Variants in ROBO2 observed in about 807,000 individuals in gnomAD.
The protein encoded by ROBO2 is roundabout homolog 2.
A neutral mutation model predicts 160.8 loss-of-function variants in ROBO2; 53 were observed. That is an observed-to-expected ratio of 0.33 (90% CI 0.26 to 0.41). The LOEUF is 0.41. Among genes scored for constraint, ROBO2 ranks in the 10% least tolerant of loss-of-function variants. ROBO2 has a pLI of 1.00. For missense variants in ROBO2, 1,577 were observed against 1,722.4 expected, an observed-to-expected ratio of 0.92 and a Z score of 1.49; for synonymous variants, 664 against 611.7, an observed-to-expected ratio of 1.09 and a Z score of -1.26.
chr3:76,047,380 T>C (rs2067486124), intron 2 of ROBO2, among the ~76,000 whole-genome samples: 4 of 152,240 alleles, frequency 2.6e-5, no homozygotes, highest in African/African-American at 7.2e-5. Flanking sequence ...AAAGCTAATA[T>C]TCATTCTCCA....
At position 76,656,970 on chromosome 3, in the gene ROBO2, A is replaced by C. The variant is rs181468670; in HGVS notation, c.110-441044A>C. On this transcript the variant is annotated intron_variant, in intron 2 of 26. Coordinates refer to the ROBO2 transcript ENST00000487694. ...CTATTTAGTCTTTAACTGGCTCTCT[A>C]TTTTGGAGAGATACAATTCAAATGC... Among the ~76,000 whole-genome samples, 192 of 152,164 alleles carry C rather than the reference A, an allele frequency of 1.3e-3. 3 individuals carry two copies. Among genetic ancestry groups the C allele is most frequent in the Non-Finnish European group, 2.0e-3 (135 of 67,998 alleles).
intron 2 of ROBO2, among the ~76,000 whole-genome samples, chr3:76,611,877 CT>C (rs1160089009): frequency 3.3e-5 from 5 of 152,186 alleles, no homozygotes; most frequent in Middle Eastern, 3.4e-3. Flanking sequence ...AGTTTATCCA[CT>C]TTTTTTGAGG....
intron 2 of ROBO2, among the ~76,000 whole-genome samples, chr3:76,613,485 T>G: frequency 6.6e-6 from 1 of 152,136 alleles, no homozygotes. Context: ...TGTACACCAA[T>G]AGCTCATAGC....
intron 2 of ROBO2, among the ~76,000 whole-genome samples, chr3:76,509,705 T>G (rs2080982491): frequency 6.6e-6 from 1 of 152,166 alleles, no homozygotes; most frequent in Admixed American, 6.5e-5. Context: ...ACAAGAATTA[T>G]TCCAGCAAAG....
chr3:76,581,444 C>CT (rs1471048504), intron 2 of ROBO2, among the ~76,000 whole-genome samples: 11 of 152,106 alleles, frequency 7.2e-5, no homozygotes, highest in African/African-American at 2.2e-4. Flanking sequence ...CCCAAGCACC[C>CT]TGGGCAACAT....
At chr3:77,109,622 T>C (rs1350170735) in intron 2 of ROBO2, among the ~76,000 whole-genome samples, 2 of 152,224 alleles carry the variant, frequency 1.3e-5, no homozygotes, top group African/African-American at 4.8e-5. Flanking sequence ...AATAATAATC[T>C]CTGGGGCTTG....
At chr3:77,535,599 G>A (rs2092043080) in intron 6 of ROBO2, among the ~76,000 whole-genome samples, 1 of 151,966 alleles carries the variant, frequency 6.6e-6, no homozygotes, top group Non-Finnish European at 1.5e-5. Context: ...TAAGTTAATA[G>A]CACTTTTTAT....
chr3:77,645,382 T>C (rs1341121711), intron 25 of ROBO2, among the ~76,000 whole-genome samples: 2 of 152,182 alleles, frequency 1.3e-5, no homozygotes, highest in African/African-American at 2.4e-5. Flanking sequence ...TTGACTACAA[T>C]AACATTTTAT....
intron 2 of ROBO2, among the ~76,000 whole-genome samples, chr3:76,622,219 GAAGGAAGGAAGGAAGGAAGAAAGA>G (rs1560251464): frequency 4.5e-4 from 10 of 22,412 alleles, no homozygotes; most frequent in African/African-American, 1.2e-3. Context: ...AGGAAGGAAG[GAAGGAAGGAAGGAAGGAAGAAAGA>G]AAGAAAGAAA....
At chr3:76,396,553 T>C (rs971990502) in intron 2 of ROBO2, among the ~76,000 whole-genome samples, 1 of 152,190 alleles carries the variant, frequency 6.6e-6, no homozygotes. Flanking sequence ...GCAGACGACA[T>C]GATTATATAT....
At chr3:77,379,073 G>A (rs1263541746) in intron 2 of ROBO2, among the ~76,000 whole-genome samples, 3 of 151,714 alleles carry the variant, frequency 2.0e-5, no homozygotes, top group Admixed American at 6.6e-5. Flanking sequence ...TCAGCCTCTC[G>A]AGTAGCTGGG....
intron 2 of ROBO2, among the ~76,000 whole-genome samples, chr3:77,138,491 G>C (rs1007910955): frequency 2.1e-4 from 32 of 152,190 alleles, no homozygotes; most frequent in African/African-American, 7.5e-4. Context: ...AGAATCTCTA[G>C]TGTATCCAGG....
rs375112195 is a variant in ROBO2, at chr3:77,292,682, C to T, written c.389-184732C>T. Among the ~76,000 whole-genome samples, 1,282 of 144,012 alleles carry T rather than the reference C, an allele frequency of 8.9e-3. 11 individuals carry two copies. The highest frequency in any genetic ancestry group is 0.03 in the African/African-American group (1,183 of 39,830). The allele number at this position is 144,012 out of a possible 152,430, so 94.5% of individuals were successfully genotyped here. A position where few individuals can be genotyped will look rare whatever the true frequency, so the allele number is the denominator to read the frequency against. On this transcript the variant is annotated intron_variant, in intron 2 of 25. Transcript: ENST00000461745. ...ACATAAAGTAAAATTGACGGTTAAA[C>T]GGGTAAGCTGAGGCTAGATCACCCC...
At chr3:77,410,041 T>G (rs2076578893) in intron 2 of ROBO2, among the ~76,000 whole-genome samples, 1 of 152,210 alleles carries the variant, frequency 6.6e-6, no homozygotes, top group East Asian at 1.9e-4. Context: ...ATCTCCTAAG[T>G]GATCAGTAAA....
intron 2 of ROBO2, among the ~76,000 whole-genome samples, chr3:77,278,108 C>T (rs1375252431): frequency 6.6e-6 from 1 of 152,098 alleles, no homozygotes; most frequent in Non-Finnish European, 1.5e-5. Flanking sequence ...TGAGAATAAG[C>T]TAGCCCCCTC....
In ROBO2 at chr3:76,687,523, A is replaced by G. The variant is rs183597967; in HGVS notation, c.110-410491A>G. 1.4e-3 allele frequency among the ~76,000 whole-genome samples: 218 copies of G among 152,192 alleles called. 2 individuals are homozygous for G. The highest frequency in any genetic ancestry group is 4.6e-3 in the African/African-American group (192 of 41,560). On this transcript the variant is annotated intron_variant, in intron 2 of 26. Transcript: ENST00000487694. ...GATTTTAAAAAATACCAAAGTAGAC[A>G]CTTAAAATAAAACTCGAGAAAGAAA...
chr3:77,507,007 G>A (rs2088633644), intron 5 of ROBO2, among the ~76,000 whole-genome samples: 1 of 152,058 alleles, frequency 6.6e-6, no homozygotes, highest in Non-Finnish European at 1.5e-5. Flanking sequence ...ACCTTTTCTA[G>A]AATATATAAG....
chr3:76,286,255 T>C (rs769784486), intron 2 of ROBO2, among the ~76,000 whole-genome samples: 12 of 152,142 alleles, frequency 7.9e-5, no homozygotes, highest in Admixed American at 2.6e-4. Context: ...ATGTTTTTGC[T>C]TGGCAGAGAC....
intron 2 of ROBO2, among the ~76,000 whole-genome samples, chr3:76,626,251 A>G (rs573434142): frequency 6.6e-6 from 1 of 152,188 alleles, no homozygotes; most frequent in Non-Finnish European, 1.5e-5. Context: ...TGTTGTTTTC[A>G]CTATGTGAAG....
Sources: allele counts gnomAD v4.1 joint callset (sites outside exome capture counted in the v4.1 genomes callset), GRCh38; gene constraint gnomAD v4.1.1; transcripts MANE v1.5; gene names NCBI Gene and HGNC (gene_info 2026-07-23, HGNC 2026-07-21).